The following MALRD1 variants were observed in gnomAD, a reference collection of about 807,000 sequenced individuals.
MALRD1 encodes the protein MAM and LDL-receptor class A domain-containing protein 1.
Under a neutral mutation model 242.1 loss-of-function variants are expected in MALRD1, and 247 were observed. The ratio of observed to expected loss-of-function variants is 1.02; its 90% CI spans 0.92 to 1.13. MALRD1 has a LOEUF of 1.13. MALRD1 is among the 50% of genes most tolerant of loss of function. The probability of loss-of-function intolerance (pLI) is 0.00; values close to 1 mark genes in which losing one functional copy is unlikely to be tolerated. For missense variants in MALRD1, 2,989 were observed against 2,533.1 expected, an observed-to-expected ratio of 1.18 and a Z score of -3.86; for synonymous variants, 995 against 866.6, an observed-to-expected ratio of 1.15 and a Z score of -2.60.
intron 5 of MALRD1, among the ~76,000 whole-genome samples, chr10:19,121,542 A>G (rs929943309): frequency 2.6e-5 from 4 of 152,204 alleles, no homozygotes; most frequent in African/African-American, 9.7e-5. Flanking sequence ...ATGTTTTTCT[A>G]AGATGGATGA....
intron 5 of MALRD1, 55 bp from the exon 6 acceptor site, chr10:19,123,437 G>A (rs1837139966): frequency 9.8e-7 from 1 of 1,020,644 alleles, no homozygotes; most frequent in African/African-American, 1.7e-5. Context: ...CAAAATACTT[G>A]AGTCTTTCCA....
intron 2 of MALRD1, 97 bp downstream of exon 2, chr10:19,066,956 G>A (rs553997297): frequency 3.8e-5 from 33 of 874,708 alleles, no homozygotes; most frequent in African/African-American, 5.4e-5. Context: ...CCTTTCTTCC[G>A]TTCCCCACCA....
intron 21 of MALRD1, among the ~76,000 whole-genome samples, chr10:19,285,281 C>T (rs12243799): frequency 0.018 from 2,535 of 139,324 alleles, 92 homozygotes; most frequent in African/African-American, 0.064. Flanking sequence ...TCAATTTTGG[C>T]TTTTGTTGCC....
At chr10:19,717,174 C>A (rs1473238580) in intron 38 of MALRD1, among the ~76,000 whole-genome samples, 2 of 152,140 alleles carry the variant, frequency 1.3e-5, no homozygotes, top group African/African-American at 2.4e-5. Context: ...AATACAAGTT[C>A]TGCTCCGAGA....
chr10:19,352,035 T>C lies in MALRD1; in HGVS notation c.4179T>C (p.Asn1393=), dbSNP rs1054620906. The C allele has an allele frequency of 8.4e-6, 13 of 1,549,594 alleles. No homozygotes were observed. Among genetic ancestry groups the C allele is most frequent in the Admixed American group, 2.0e-5 (1 of 50,964 alleles). Residue 1393 remains asparagine (N), a synonymous_variant, in exon 26 of 40, where the codon AAT becomes AAC. Transcript: ENST00000454679. ...KIIFHYHMYG[N]GIGALTLMQV... is the part of the protein sequence containing the mutation. ...TTTTTCATTATCACATGTATGGAAA[T>C]GGCATTGGGGCACTCACCTTAATGC...
At chr10:19,431,768 A>T (rs1334384990) in intron 28 of MALRD1, among the ~76,000 whole-genome samples, 2 of 152,098 alleles carry the variant, frequency 1.3e-5, no homozygotes, top group African/African-American at 4.8e-5. Flanking sequence ...AAGTGAGCTG[A>T]GTTATGTCCA....
chr10:19,369,234 A>G (rs994358364), intron 26 of MALRD1, among the ~76,000 whole-genome samples: 2 of 146,560 alleles, frequency 1.4e-5, no homozygotes, highest in Admixed American at 1.4e-4. Flanking sequence ...GTATATAAAT[A>G]TATTTATATT....
chr10:19,400,373 A>C (rs1846781196), intron 28 of MALRD1, among the ~76,000 whole-genome samples: 1 of 152,118 alleles, frequency 6.6e-6, no homozygotes, highest in South Asian at 2.1e-4. Flanking sequence ...GTGTGTTCCC[A>C]TATGATTAAG....
In MALRD1 at chr10:19,442,938, C is replaced by G. The variant is rs1223679954; in HGVS notation, c.4846-7369C>G. On this transcript the variant is annotated intron_variant, in intron 28 of 39. Coordinates refer to ENST00000454679, the MANE Select transcript of MALRD1 (RefSeq NM_001142308.3). ...CCTCTGGTAGAATTAGGCTGTGAAT[C>G]CATCTCGTCCTGGACTTTTTTTGGT... 2.6e-5 allele frequency among the ~76,000 whole-genome samples: 4 copies of G among 152,116 alleles called. No individual in the cohort carries two copies. In the East Asian group the frequency reaches 7.7e-4, roughly 29 times the overall value.
At chr10:19,516,436 A>G (rs1007346561) in intron 31 of MALRD1, among the ~76,000 whole-genome samples, 2 of 152,300 alleles carry the variant, frequency 1.3e-5, no homozygotes, top group African/African-American at 4.8e-5. Context: ...TTTATTTGAA[A>G]ATTTAAACCG....
chr10:19,205,704 G>C (rs372667642), intron 17 of MALRD1, among the ~76,000 whole-genome samples: 1 of 151,944 alleles, frequency 6.6e-6, no homozygotes, highest in East Asian at 1.9e-4. Flanking sequence ...CCTGAGATGT[G>C]GCTGCAAGGC....
chr10:19,475,720 A>T (rs1487301019), intron 29 of MALRD1, among the ~76,000 whole-genome samples: 1 of 152,214 alleles, frequency 6.6e-6, no homozygotes, highest in Non-Finnish European at 1.5e-5. Flanking sequence ...TAACTTGTTC[A>T]TTGACCCTGA....
intron 28 of MALRD1, among the ~76,000 whole-genome samples, chr10:19,392,293 G>T (rs1022499924): frequency 3.9e-5 from 6 of 152,164 alleles, no homozygotes; most frequent in African/African-American, 1.2e-4. Flanking sequence ...GTCAGTGACA[G>T]AGTGGGAACC....
At chr10:19,621,659 T>C (rs1207225222) in intron 36 of MALRD1, among the ~76,000 whole-genome samples, 1 of 151,682 alleles carries the variant, frequency 6.6e-6, no homozygotes, top group Non-Finnish European at 1.5e-5. Flanking sequence ...GAACTAACAT[T>C]TAAACTATAA....
chr10:19,101,431 A>C (rs1836248859), intron 4 of MALRD1, among the ~76,000 whole-genome samples: 1 of 139,328 alleles, frequency 7.2e-6, no homozygotes, highest in Non-Finnish European at 1.5e-5. Context: ...AATAATATAT[A>C]ATATAATAAT....
intron 11 of MALRD1, among the ~76,000 whole-genome samples, chr10:19,150,163 T>A (rs1833890660): frequency 6.6e-6 from 1 of 152,226 alleles, no homozygotes; most frequent in Non-Finnish European, 1.5e-5. Flanking sequence ...ATACGTGTTT[T>A]TGTCTGGACA....
chr10:19,157,272 C>CT (rs34652493), intron 12 of MALRD1, among the ~76,000 whole-genome samples: 44,509 of 137,606 alleles, frequency 0.32, 7,877 homozygotes, highest in Admixed American at 0.41. Flanking sequence ...TCTTTCTTTC[C>CT]TTTTTTTTTT....
At chr10:19,047,034 A>G (rs1257696226), upstream of MALRD1, among the ~76,000 whole-genome samples, 1 of 152,184 alleles carries the variant, frequency 6.6e-6, no homozygotes, top group Non-Finnish European at 1.5e-5. Context: ...TACTGATTTC[A>G]GAGGGAAATA....
intron 19 of MALRD1, among the ~76,000 whole-genome samples, chr10:19,272,343 C>T (rs993792568): frequency 4.0e-5 from 6 of 151,584 alleles, no homozygotes; most frequent in African/African-American, 1.2e-4. Flanking sequence ...ATTTGTCATA[C>T]AGATAAATAA....
Sources: allele counts gnomAD v4.1 joint callset (sites outside exome capture counted in the v4.1 genomes callset), GRCh38; gene constraint gnomAD v4.1.1; transcripts MANE v1.5; gene names NCBI Gene and HGNC (gene_info 2026-07-23, HGNC 2026-07-21).